The following TULP4 variants were observed in gnomAD, a reference collection of about 807,000 sequenced individuals.
TULP4 encodes tubby-related protein 4.
TULP4 carries 16 observed loss-of-function variants against 129.0 expected under a neutral mutation model. That is an observed-to-expected ratio of 0.12 (90% CI 0.08 to 0.19). The LOEUF is 0.19. TULP4 is among the 10% of genes least tolerant of loss of function. TULP4 has a pLI of 1.00. For missense variants in TULP4, 1,842 were observed against 2,059.1 expected, an observed-to-expected ratio of 0.89 and a Z score of 2.04; for synonymous variants, 998 against 854.0, an observed-to-expected ratio of 1.17 and a Z score of -2.94.
intron 1 of TULP4, among the ~76,000 whole-genome samples, chr6:158,368,896 T>C (rs1777003924): frequency 6.6e-6 from 1 of 152,250 alleles, no homozygotes; most frequent in African/African-American, 2.4e-5. Flanking sequence ...TAGATTATTT[T>C]ATCATGTAGT....
At chr6:158,288,497 G>T (rs1341267753) in intron 1 of TULP4, among the ~76,000 whole-genome samples, 1 of 148,918 alleles carries the variant, frequency 6.7e-6, no homozygotes, top group African/African-American at 2.4e-5. Context: ...AAAAAAAAAT[G>T]AGTGTTGAAT....
chr6:158,418,779 A>G (rs938572435), intron 2 of TULP4, among the ~76,000 whole-genome samples: 1 of 152,154 alleles, frequency 6.6e-6, no homozygotes, highest in Non-Finnish European at 1.5e-5. Context: ...AGACAAATAA[A>G]CAGAAACCCA....
intron 1 of TULP4, among the ~76,000 whole-genome samples, chr6:158,331,758 T>TATACAC (rs1411380052): frequency 3.9e-5 from 1 of 25,840 alleles, no homozygotes; most frequent in Admixed American, 6.8e-4. Flanking sequence ...TATATACACG[T>TATACAC]GTATATATAC....
Position 158,313,249 on chromosome 6 carries a change from G to T in TULP4, c.-768G>T, listed in dbSNP as rs752682872. On this transcript the variant is annotated 5_prime_UTR_variant, in exon 1 of 14. Transcript: ENST00000367097. ...GCGCCGGCTGGTGGAGGAGCAGTCC[G>T]ATGGAGCCCTGCGTTCCCCGGGGAC... The T allele has an allele frequency of 1.1e-5, 4 of 366,844 alleles. No individual in the cohort carries two copies. The highest frequency in any genetic ancestry group is 1.9e-5 in the Non-Finnish European group (4 of 207,094). The allele number at this position is 366,844 out of a possible 1,614,324, so 22.7% of individuals were successfully genotyped here.
rs11424136 is a variant in TULP4 at position 158,388,653 on chromosome 6, GAAA to G, written c.253-24399_253-24397del. Among the ~76,000 whole-genome samples, 4 of 142,480 alleles carry G rather than the reference GAAA, an allele frequency of 2.8e-5. No individual in the cohort carries two copies. The South Asian group carries it at 6.7e-4, about 24-fold the overall frequency. The allele number at this position is 142,480 out of a possible 152,430, so 93.5% of individuals were successfully genotyped here. On this transcript the variant is annotated intron_variant, in intron 1 of 13. Transcript: ENST00000367097. ...CTAATAATCTGCTCATTTTCTAATG[GAAA>G]AAAAAAAAAAAATGCCTGCATCATA...
At chr6:158,257,762 A>G (rs1778275784) in intron 1 of TULP4, among the ~76,000 whole-genome samples, 1 of 152,126 alleles carries the variant, frequency 6.6e-6, no homozygotes, top group Non-Finnish European at 1.5e-5. Flanking sequence ...GTATCCTGAA[A>G]ACTTTACTTT....
chr6:158,337,809 A>C (rs747324437), intron 1 of TULP4, among the ~76,000 whole-genome samples: 4 of 151,598 alleles, frequency 2.6e-5, no homozygotes, highest in Non-Finnish European at 5.9e-5. Context: ...TTTTTAAAGC[A>C]GTTAAGCACT....
intron 2 of TULP4, among the ~76,000 whole-genome samples, chr6:158,423,549 A>G (rs1022806597): frequency 3.3e-5 from 5 of 152,228 alleles, no homozygotes; most frequent in African/African-American, 9.6e-5. Context: ...ATTGTACTCT[A>G]TACATATATA....
At chr6:158,344,289 A>T (rs1780251785) in intron 1 of TULP4, among the ~76,000 whole-genome samples, 1 of 152,206 alleles carries the variant, frequency 6.6e-6, no homozygotes, top group Non-Finnish European at 1.5e-5. Context: ...GGTGAAATAA[A>T]CAGCCTTGTT....
intron 8 of TULP4, among the ~76,000 whole-genome samples, chr6:158,487,168 C>T (rs771657800): frequency 9.3e-4 from 22 of 23,722 alleles, no homozygotes; most frequent in Non-Finnish European, 1.6e-3. Context: ...GAATCACTGC[C>T]TCGGGAGGCT....
intron 1 of TULP4, among the ~76,000 whole-genome samples, chr6:158,335,325 T>TAC (rs1484387587): frequency 2.6e-5 from 4 of 151,880 alleles, no homozygotes; most frequent in Non-Finnish European, 5.9e-5. Flanking sequence ...CAGTCTCAGG[T>TAC]ACTTTGTTAT....
intron 6 of TULP4, among the ~76,000 whole-genome samples, chr6:158,475,386 G>A (rs1370888591): frequency 2.0e-5 from 3 of 152,224 alleles, no homozygotes; most frequent in Admixed American, 6.5e-5. Flanking sequence ...AGATTTAGAC[G>A]TGTAAAATAT....
intron 1 of TULP4, among the ~76,000 whole-genome samples, chr6:158,344,048 A>T (rs980574344): frequency 6.6e-6 from 1 of 152,150 alleles, no homozygotes; most frequent in East Asian, 1.9e-4. Context: ...TAACTGATCA[A>T]TGTACTTTGT....
intron 1 of TULP4, among the ~76,000 whole-genome samples, chr6:158,325,080 G>A (rs572705499): frequency 2.1e-4 from 32 of 152,286 alleles, no homozygotes; most frequent in Admixed American, 3.3e-4. Flanking sequence ...GGTTTGGGCC[G>A]TATTCCAAGA....
chr6:158,233,706 G>A lies in TULP4; in HGVS notation n.68+1403G>A, dbSNP rs576649598. On this transcript the variant is annotated intron_variant and non_coding_transcript_variant, in intron 1 of 1. Coordinates refer to the TULP4 transcript ENST00000620026. ...CATATTCTGAATGGGAGAGTCACAA[G>A]TGTCCTGTCTTCTAGTGAAGTCCTT... is the stretch of plus-strand genomic sequence containing the variant. Among the ~76,000 whole-genome samples, 5 of 152,346 alleles carry A rather than the reference G, an allele frequency of 3.3e-5. No individual in the cohort carries two copies. The East Asian group carries it at 9.6e-4, about 29-fold the overall frequency.
intron 2 of TULP4, among the ~76,000 whole-genome samples, chr6:158,419,484 A>G (rs11961208): frequency 0.084 from 12,818 of 152,264 alleles, 1,844 homozygotes; most frequent in African/African-American, 0.29. Flanking sequence ...AACAAATATA[A>G]TGCTAATTAG....
rs969536756 is a variant in TULP4, at chr6:158,423,129, G to T, written c.382-6607G>T. 2.6e-5 allele frequency among the ~76,000 whole-genome samples: 4 copies of T among 151,172 alleles called. No homozygotes were observed. The East Asian group carries it at 7.8e-4, about 30-fold the overall frequency. ...CCTTCCTCCACAAAAAAGAGGGGGG[G>T]GGGGGGAAAGAAACCTTCCCAGGAC... On this transcript the variant is annotated intron_variant, in intron 2 of 13. Transcript: ENST00000367097.
intron 1 of TULP4, among the ~76,000 whole-genome samples, chr6:158,301,318 C>A (rs1779127265): frequency 6.6e-6 from 1 of 152,094 alleles, no homozygotes; most frequent in South Asian, 2.1e-4. Flanking sequence ...TCAGTGAACA[C>A]TGTAATGGCC....
intron 8 of TULP4, 117 bp downstream of exon 8, chr6:158,481,406 G>C: frequency 1.1e-6 from 1 of 896,306 alleles, no homozygotes; most frequent in Non-Finnish European, 1.8e-6. Flanking sequence ...GTGGGGGCTA[G>C]TGTGGAACAT....
Sources: gnomAD v4.1 joint callset for allele counts (sites outside exome capture counted in the v4.1 genomes callset) on GRCh38, gnomAD v4.1.1 for gene constraint, MANE v1.5 for transcripts, NCBI Gene and HGNC (gene_info 2026-07-23, HGNC 2026-07-21) for gene names.